The following TANGO6 variants were observed in gnomAD, a reference collection of about 807,000 sequenced individuals.
TANGO6 encodes transport and Golgi organization protein 6 homolog.
Under a neutral mutation model 114.2 loss-of-function variants are expected in TANGO6, and 90 were observed. The observed-to-expected ratio is 0.79, with a 90% confidence interval of 0.66 to 0.94. The LOEUF (loss-of-function observed/expected upper bound fraction) is 0.94. TANGO6 is among the 40% of genes least tolerant of loss of function. The pLI is 0.00. For missense variants in TANGO6, 1,274 were observed against 1,315.3 expected (o/e 0.97, Z 0.49); for synonymous variants, 477 against 509.8 (o/e 0.94, Z 0.87).
chr16:69,018,535 G>A (rs1959345628), intron 15 of TANGO6, among the ~76,000 whole-genome samples: 7 of 151,892 alleles, frequency 4.6e-5, no homozygotes, highest in Admixed American at 4.6e-4. Context: ...TTTGATCCCA[G>A]CTCTATTTAC....
chr16:68,967,412 T>A (rs950400451), intron 14 of TANGO6, among the ~76,000 whole-genome samples: 3 of 152,170 alleles, frequency 2.0e-5, no homozygotes, highest in African/African-American at 7.2e-5. Flanking sequence ...GCTGCTCACC[T>A]CCTGCTGTGT....
chr16:68,878,211 C>T lies in TANGO6; in HGVS notation c.1225C>T (p.Pro409Ser), dbSNP rs1157506177. 7 of 1,613,188 alleles carry T rather than the reference C, an allele frequency of 4.3e-6. No individual in the cohort carries two copies. The highest frequency in any genetic ancestry group is 2.2e-5 in the East Asian group (1 of 44,850). The change falls in exon 6 of 18, where the codon CCA becomes TCA. Residue 409 changes from proline to serine, a missense_variant. Pro to Ser is a moderately conservative substitution (Grantham distance 74). Coordinates refer to ENST00000261778, the MANE Select transcript of TANGO6 (RefSeq NM_024562.2). The part of the protein sequence containing the change: ...TTFITLSRER[P>S]HLAAKYLLQP... ...CTTTATAACTTTGTCAAGAGAACGC[C>T]CACATTTGGCAGCAAAGTATTTGCT... is the stretch of plus-strand genomic sequence containing the variant.
At chr16:68,889,629 G>T (rs1017395178) in intron 7 of TANGO6, among the ~76,000 whole-genome samples, 1 of 152,106 alleles carries the variant, frequency 6.6e-6, no homozygotes, top group African/African-American at 2.4e-5. Context: ...GCAAAAGACC[G>T]AAAGAAGTAT....
chr16:68,896,909 T>A (rs533774335), intron 7 of TANGO6, among the ~76,000 whole-genome samples: 1 of 152,242 alleles, frequency 6.6e-6, no homozygotes, highest in African/African-American at 2.4e-5. Flanking sequence ...CTTTTTTATT[T>A]TTTTATTTTT....
chr16:69,070,746 A>ATATTATTAT (rs145226838), intron 17 of TANGO6, among the ~76,000 whole-genome samples: 179 of 141,738 alleles, frequency 1.3e-3, no homozygotes, highest in South Asian at 2.5e-3. Context: ...GCAAGAATCA[A>ATATTATTAT]TATTATTATT....
chr16:68,992,782 A>G (rs1963956502), intron 15 of TANGO6, among the ~76,000 whole-genome samples: 1 of 152,152 alleles, frequency 6.6e-6, no homozygotes, highest in Admixed American at 6.6e-5. Context: ...AAAAAGCAGA[A>G]ATCTGGCCGG....
chr16:69,070,023 A>G (rs1410887880), intron 17 of TANGO6, among the ~76,000 whole-genome samples: 2 of 147,468 alleles, frequency 1.4e-5, no homozygotes, highest in African/African-American at 2.5e-5. Flanking sequence ...CCTGACCAAC[A>G]TTGCAAAACC....
chr16:68,929,160 T>C (rs1963208305), intron 13 of TANGO6, among the ~76,000 whole-genome samples: 1 of 151,688 alleles, frequency 6.6e-6, no homozygotes, highest in South Asian at 2.1e-4. Flanking sequence ...ATCAAGTGAT[T>C]CACCTGCCTC....
At chr16:68,848,687 C>T (rs1961853196) in intron 1 of TANGO6, among the ~76,000 whole-genome samples, 1 of 152,030 alleles carries the variant, frequency 6.6e-6, no homozygotes, top group Non-Finnish European at 1.5e-5. Context: ...CATTCTGTTC[C>T]TTTATTGACC....
chr16:68,902,626 C>A, intron 9 of TANGO6, 122 bp downstream of exon 9: 1 of 859,610 alleles, frequency 1.2e-6, no homozygotes, highest in South Asian at 2.4e-5. Flanking sequence ...GGCTCAGGTG[C>A]CTGCTATTTA....
intron 15 of TANGO6, among the ~76,000 whole-genome samples, chr16:69,020,925 T>TGTGTGTGTGTGTG (rs1567560048): frequency 2.0e-5 from 3 of 150,956 alleles, no homozygotes; most frequent in African/African-American, 7.3e-5. Flanking sequence ...TGTGTGTGTG[T>TGTGTGTGTGTGTG]GTGTGTGTGT....
intron 14 of TANGO6, among the ~76,000 whole-genome samples, chr16:68,963,072 C>T (rs1252041793): frequency 1.4e-5 from 2 of 144,658 alleles, no homozygotes; most frequent in African/African-American, 2.6e-5. Context: ...CCAGCCTGGG[C>T]GACAGCAAGA....
chr16:68,929,581 C>T (rs533335843), intron 13 of TANGO6, among the ~76,000 whole-genome samples: 3 of 152,276 alleles, frequency 2.0e-5, no homozygotes, highest in South Asian at 2.1e-4. Context: ...CAGACACTTC[C>T]GTCTTCCTTT....
intron 14 of TANGO6, among the ~76,000 whole-genome samples, chr16:68,933,482 C>G (rs1363510346): frequency 1.3e-5 from 2 of 152,194 alleles, no homozygotes; most frequent in African/African-American, 4.8e-5. Flanking sequence ...TTTATTATCA[C>G]TCACGCATCT....
intron 9 of TANGO6, among the ~76,000 whole-genome samples, chr16:68,904,250 G>C (rs1409886551): frequency 2.6e-5 from 4 of 152,132 alleles, no homozygotes; most frequent in African/African-American, 9.7e-5. Flanking sequence ...GGGACTACAG[G>C]TGCGCGCCAC....
At chr16:68,926,686 C>A (rs760147588) in intron 12 of TANGO6, among the ~76,000 whole-genome samples, 4 of 151,486 alleles carry the variant, frequency 2.6e-5, no homozygotes, top group Non-Finnish European at 4.4e-5. Context: ...TGCCACCATG[C>A]CCAGCTGATT....
intron 7 of TANGO6, among the ~76,000 whole-genome samples, chr16:68,888,382 A>G (rs548641516): frequency 6.6e-6 from 1 of 152,320 alleles, no homozygotes; most frequent in East Asian, 1.9e-4. Context: ...GGGTAGGACA[A>G]TGTAAGAGAG....
intron 15 of TANGO6, among the ~76,000 whole-genome samples, chr16:68,990,270 A>G (rs959144649): frequency 6.6e-6 from 1 of 152,168 alleles, no homozygotes; most frequent in African/African-American, 2.4e-5. Flanking sequence ...AAGAGGTTTA[A>G]TGGACTGACA....
At chr16:68,876,573 C>A (rs1305748894) in intron 5 of TANGO6, among the ~76,000 whole-genome samples, 1 of 151,446 alleles carries the variant, frequency 6.6e-6, no homozygotes, top group Non-Finnish European at 1.5e-5. Flanking sequence ...GTAATCCCAG[C>A]AGTTTGGGAG....
Sources: allele counts gnomAD v4.1 joint callset (sites outside exome capture counted in the v4.1 genomes callset), GRCh38; gene constraint gnomAD v4.1.1; transcripts MANE v1.5; gene names NCBI Gene and HGNC (gene_info 2026-07-23, HGNC 2026-07-21).